The following GCA variants were observed in gnomAD, a reference collection of about 807,000 sequenced individuals.
The protein encoded by GCA is grancalcin, EF-hand calcium-binding protein.
A neutral mutation model predicts 32.6 loss-of-function variants in GCA; 30 were observed. That is an observed-to-expected ratio of 0.92 (90% CI 0.69 to 1.25). GCA has a LOEUF of 1.25. Ranked by LOEUF, GCA falls within the 50% of genes most tolerant of loss-of-function variation. The pLI is 0.00. For synonymous variants in GCA, 102 were observed against 84.6 expected (o/e 1.21, Z -1.13); for missense variants, 291 against 266.8 (o/e 1.09, Z -0.63).
At chr2:162,351,616 C>G (rs1053020678) in intron 2 of GCA, among the ~76,000 whole-genome samples, 2 of 152,042 alleles carry the variant, frequency 1.3e-5, no homozygotes, top group African/African-American at 4.8e-5. Context: ...TCTTGGATCT[C>G]TTATGAAGAG....
chr2:162,341,781 A>C (rs1299225252), upstream of GCA, among the ~76,000 whole-genome samples: 3 of 152,200 alleles, frequency 2.0e-5, no homozygotes, highest in Admixed American at 6.5e-5. Context: ...ATGTTTAAGA[A>C]ACCACATTCT....
At chr2:162,325,293 TG>T (rs1174805755) in intron 1 of GCA, among the ~76,000 whole-genome samples, 1 of 152,180 alleles carries the variant, frequency 6.6e-6, no homozygotes, top group Non-Finnish European at 1.5e-5. Flanking sequence ...GTCTCTTTCC[TG>T]TGTTTTCTCT....
chr2:162,329,095 G>A (rs1045195180), intron 1 of GCA, among the ~76,000 whole-genome samples: 1 of 152,022 alleles, frequency 6.6e-6, no homozygotes, highest in Non-Finnish European at 1.5e-5. Flanking sequence ...TGCCTGCTAC[G>A]GTCTCGGGGG....
chr2:162,350,970 T>TA (rs1684965131), intron 2 of GCA, among the ~76,000 whole-genome samples: 1 of 152,088 alleles, frequency 6.6e-6, no homozygotes, highest in African/African-American at 2.4e-5. Context: ...TTAGGTATAC[T>TA]GCTCCTGGAA....
At chr2:162,371,782 C>A, downstream of GCA, 3 of 1,527,910 alleles carry the variant, frequency 2.0e-6, no homozygotes, top group South Asian at 1.2e-5. Context: ...AGGAAAACAG[C>A]CATTAAAAGC....
downstream of GCA, among the ~76,000 whole-genome samples, chr2:162,364,923 A>G (rs1356583518): frequency 6.6e-6 from 1 of 151,718 alleles, no homozygotes; most frequent in East Asian, 1.9e-4. Flanking sequence ...TGGTCTTAAC[A>G]GGCAATAATA....
chr2:162,332,349 A>C (rs1308295460), intron 1 of GCA, among the ~76,000 whole-genome samples: 1 of 146,022 alleles, frequency 6.8e-6, no homozygotes, highest in Non-Finnish European at 1.5e-5. Context: ...AATATATAAT[A>C]TTATTTATAT....
downstream of GCA, among the ~76,000 whole-genome samples, chr2:162,373,195 ATTCT>A (rs1234454051): frequency 2.2e-4 from 33 of 152,262 alleles, no homozygotes; most frequent in African/African-American, 7.7e-4. Context: ...AAGCAGGTTG[ATTCT>A]GGAAGAAAGG....
chr2:162,361,434 A>G lies in GCA; in HGVS notation c.*1191A>G, dbSNP rs560655592. ...TATTTTTCTTATGCTTTAAATGTGT[A>G]TTTTCTAACCTAACAGTGAGTGACA... On this transcript the variant is annotated 3_prime_UTR_variant, in exon 8 of 8. Transcript: ENST00000437150. 306 of 978,706 alleles carry G rather than the reference A, an allele frequency of 3.1e-4. 1 individual carries two copies. In the South Asian group the frequency reaches 7.0e-3, roughly 22 times the overall value. The allele number at this position is 978,706 out of a possible 1,614,324, so 60.6% of individuals were successfully genotyped here. A position where few individuals can be genotyped will look rare whatever the true frequency, so the allele number is the denominator to read the frequency against.
At chr2:162,333,486 G>C (rs1684165511) in intron 1 of GCA, among the ~76,000 whole-genome samples, 1 of 152,074 alleles carries the variant, frequency 6.6e-6, no homozygotes, top group African/African-American at 2.4e-5. Flanking sequence ...TGGGGAGCTT[G>C]CAGAGTCCCT....
intron 1 of GCA, among the ~76,000 whole-genome samples, chr2:162,333,420 G>A (rs1401601205): frequency 1.3e-5 from 2 of 151,964 alleles, no homozygotes; most frequent in African/African-American, 4.8e-5. Context: ...AATAGGCTGT[G>A]TGTTTCATTT....
downstream of GCA, among the ~76,000 whole-genome samples, chr2:162,372,691 CCGAACATCTAA>C: frequency 6.6e-6 from 1 of 152,024 alleles, no homozygotes; most frequent in African/African-American, 2.4e-5. Flanking sequence ...AATTAAATTC[CCGAACATCTAA>C]AAAAGTTTTA....
downstream of GCA, among the ~76,000 whole-genome samples, chr2:162,365,841 T>G (rs1167466160): frequency 6.6e-6 from 1 of 151,646 alleles, no homozygotes; most frequent in Non-Finnish European, 1.5e-5. Flanking sequence ...CCATATCATT[T>G]CAGTGCTATT....
downstream of GCA, chr2:162,373,332 C>T (rs1378939072): frequency 7.9e-6 from 4 of 506,146 alleles, no homozygotes; most frequent in Non-Finnish European, 1.3e-5. Flanking sequence ...GGGCCCATTT[C>T]CAGAAATTCT....
intron 1 of GCA, among the ~76,000 whole-genome samples, chr2:162,327,357 G>A (rs1348493343): frequency 6.6e-6 from 1 of 152,166 alleles, no homozygotes; most frequent in Non-Finnish European, 1.5e-5. Flanking sequence ...ATTGTGGGGG[G>A]CAGGGGGAGC....
At position 162,359,715 on chromosome 2, in the gene GCA, A is replaced by G. The variant is rs1377118669; in HGVS notation, c.627+163A>G. Among the ~76,000 whole-genome samples, 3 of 151,256 alleles carry G rather than the reference A, an allele frequency of 2.0e-5. No homozygotes were observed. In the Admixed American group the frequency reaches 2.0e-4, roughly 10 times the overall value. On this transcript the variant is annotated intron_variant, in intron 7 of 7. Transcript: ENST00000437150. ...ACACAAATATAAGATTAATATTGGT[A>G]TAGGTGCCAAACAATTTGACTTCAT...
intron 1 of GCA, among the ~76,000 whole-genome samples, chr2:162,328,037 G>A (rs897935805): frequency 7.9e-5 from 12 of 151,996 alleles, no homozygotes; most frequent in Non-Finnish European, 1.0e-4. Context: ...CCTTTAGCCC[G>A]TCGCTGCACT....
downstream of GCA, among the ~76,000 whole-genome samples, chr2:162,372,457 G>A (rs1212316676): frequency 1.3e-5 from 2 of 152,122 alleles, no homozygotes; most frequent in South Asian, 4.1e-4. Context: ...AAGGAGGAAA[G>A]AAAAGATGGG....
chr2:162,319,703 C>T (rs1450448629), intron 1 of GCA, among the ~76,000 whole-genome samples: 3 of 152,094 alleles, frequency 2.0e-5, no homozygotes, highest in Non-Finnish European at 4.4e-5. Context: ...ATTCTGTAGC[C>T]ACATGTGACT....
Sources: gnomAD v4.1 joint callset for allele counts (sites outside exome capture counted in the v4.1 genomes callset) on GRCh38, gnomAD v4.1.1 for gene constraint, MANE v1.5 for transcripts, NCBI Gene and HGNC (gene_info 2026-07-23, HGNC 2026-07-21) for gene names.